ERGIC2: variants seen among roughly 807,000 people sequenced by gnomAD.
ERGIC2 encodes ERGIC and golgi 2, also known as endoplasmic reticulum-Golgi intermediate compartment protein 2.
Under a neutral mutation model 52.5 loss-of-function variants are expected in ERGIC2, and 31 were observed. That is an observed-to-expected ratio of 0.59 (90% confidence interval 0.44 to 0.80). The LOEUF (loss-of-function observed/expected upper bound fraction) is 0.80, where lower values mean the gene tolerates loss of function less well. Among genes scored for constraint, ERGIC2 ranks in the 30% least tolerant of loss-of-function variants. The pLI, the probability that ERGIC2 is intolerant of heterozygous loss-of-function variation, is 0.00. For missense variants in ERGIC2, 395 were observed against 455.2 expected (o/e 0.87, Z 1.20); for synonymous variants, 129 against 140.6 (o/e 0.92, Z 0.58).
At chr12:29,376,499 C>G (rs1031662748) in intron 1 of ERGIC2, among the ~76,000 whole-genome samples, 1 of 152,292 alleles carries the variant, frequency 6.6e-6, no homozygotes, top group Non-Finnish European at 1.5e-5. Flanking sequence ...GTAAGCTTAA[C>G]AGCGCTTCTC....
chr12:29,354,502 T>G (rs953442403), intron 8 of ERGIC2, among the ~76,000 whole-genome samples: 1 of 152,214 alleles, frequency 6.6e-6, no homozygotes, highest in Admixed American at 6.5e-5. Flanking sequence ...ACATATTGTG[T>G]TACAAATTAT....
chr12:29,343,989 AC>A (rs1940006622), intron 11 of ERGIC2, among the ~76,000 whole-genome samples: 2 of 152,126 alleles, frequency 1.3e-5, no homozygotes, highest in Non-Finnish European at 1.5e-5. Flanking sequence ...TATTTTAGTC[AC>A]CCTATCAGTA....
chr12:29,356,920 A>G lies in ERGIC2; in HGVS notation c.477-443T>C, dbSNP rs559697195. ...TTCCTAAGCAAATGTAAAATCTTGT[A>G]TATTTTTATTATGTTTATGATTATA... On this transcript the variant is annotated intron_variant, in intron 7 of 13. Transcript: ENST00000360150. Among the ~76,000 whole-genome samples the G allele has an allele frequency of 1.4e-4, 21 of 152,108 alleles. No individual in the cohort carries two copies. The South Asian group carries it at 3.9e-3, about 29-fold the overall frequency.
chr12:29,370,038 T>A, intron 3 of ERGIC2, 76 bp downstream of exon 3: 2 of 1,302,196 alleles, frequency 1.5e-6, no homozygotes, highest in East Asian at 6.1e-5. Context: ...GGTTAGACTT[T>A]TTCTTTTTTA....
At chr12:29,351,634 C>G (rs892922242) in intron 8 of ERGIC2, among the ~76,000 whole-genome samples, 2 of 152,152 alleles carry the variant, frequency 1.3e-5, no homozygotes, top group African/African-American at 2.4e-5. Flanking sequence ...GAACACTCTT[C>G]TTGAAGAAGG....
intron 3 of ERGIC2, 89 bp downstream of exon 3, chr12:29,370,025 G>C: frequency 8.2e-7 from 1 of 1,214,050 alleles, no homozygotes; most frequent in Non-Finnish European, 1.1e-6. Flanking sequence ...ACCAAATCTA[G>C]AAGGTTAGAC....
At chr12:29,360,976 G>C (rs1435795222) in intron 6 of ERGIC2, among the ~76,000 whole-genome samples, 1 of 152,180 alleles carries the variant, frequency 6.6e-6, no homozygotes, top group East Asian at 1.9e-4. Context: ...GCCGGGCACA[G>C]TGGCTCATGC....
chr12:29,356,970 T>TC (rs1441036591), intron 7 of ERGIC2, among the ~76,000 whole-genome samples: 1 of 149,864 alleles, frequency 6.7e-6, no homozygotes, highest in Non-Finnish European at 1.5e-5. Context: ...CCACGAATCT[T>TC]TTTTTTTTTT....
At chr12:29,378,033 T>C (rs529162489) in intron 1 of ERGIC2, among the ~76,000 whole-genome samples, 39 of 152,348 alleles carry the variant, frequency 2.6e-4, no homozygotes, top group Non-Finnish European at 4.4e-4. Flanking sequence ...ACAAGATATG[T>C]TGAAGTCTCA....
intron 7 of ERGIC2, among the ~76,000 whole-genome samples, chr12:29,356,680 T>C (rs1940210615): frequency 6.6e-6 from 1 of 152,202 alleles, no homozygotes; most frequent in Admixed American, 6.5e-5. Context: ...TTAATATCTA[T>C]TACATTTACA....
chr12:29,371,432 T>TA (rs3214493), intron 2 of ERGIC2, 96 bp downstream of exon 2: 1 of 780,232 alleles, frequency 1.3e-6, no homozygotes, highest in Admixed American at 2.8e-5. Flanking sequence ...AATTCATTGA[T>TA]AAATTCTTCC....
chr12:29,349,472 C>T (rs1387109018), intron 9 of ERGIC2, among the ~76,000 whole-genome samples: 1 of 151,862 alleles, frequency 6.6e-6, no homozygotes, highest in Non-Finnish European at 1.5e-5. Flanking sequence ...TACATCTTTC[C>T]TTTTCCAAAT....
At chr12:29,372,805 A>G (rs1262289924) in intron 1 of ERGIC2, 3 of 151,738 alleles carry the variant, frequency 2.0e-5, no homozygotes, top group Non-Finnish European at 4.4e-5. Context: ...ATAGGCATGC[A>G]CCTCCACCCC....
chr12:29,361,915 T>C (rs1025751788), intron 5 of ERGIC2, among the ~76,000 whole-genome samples: 3 of 152,168 alleles, frequency 2.0e-5, no homozygotes, highest in Admixed American at 6.5e-5. Context: ...CTGTTACAGT[T>C]ATCGACATTT....
chr12:29,356,925 TTTA>T (rs1026864224), intron 7 of ERGIC2, among the ~76,000 whole-genome samples: 4 of 152,148 alleles, frequency 2.6e-5, no homozygotes, highest in African/African-American at 9.7e-5. Flanking sequence ...CTTGTATATT[TTTA>T]TTATGTTTAT....
In ERGIC2 at chr12:29,371,531, T is replaced by TA; in HGVS notation, c.102dup (p.Thr35TyrfsTer29). ...TTTAATGTTAACTGATACTCACCTGTACCTCCACTGGCTGAAGTCTCTACA... is the reference window on the plus strand; with the variant it reads ...TTTAATGTTAACTGATACTCACCTGTAACCTCCACTGGCTGAAGTCTCTACA... On this transcript the variant is annotated frameshift_variant, in exon 2 of 14. Transcript: ENST00000360150. LOFTEE classifies it high-confidence loss of function. 6.2e-7 allele frequency: 1 copy of TA among 1,602,058 alleles called. No individual in the cohort carries two copies. The highest frequency in any genetic ancestry group is 8.5e-7 in the Non-Finnish European group (1 of 1,172,680).
chr12:29,341,543 T>C (rs895722525), intron 13 of ERGIC2, among the ~76,000 whole-genome samples, 191 bp downstream of exon 13: 1 of 152,100 alleles, frequency 6.6e-6, no homozygotes, highest in African/African-American at 2.4e-5. Context: ...GCTAATTTTT[T>C]CTATCTTTTG....
At position 29,358,930 on chromosome 12, in the gene ERGIC2, G is replaced by T. The variant is rs12300829; in HGVS notation, c.375-1206C>A. On this transcript the variant is annotated intron_variant, in intron 6 of 13. Transcript: ENST00000360150. ...TGGAATAAAATAAATCTGAAATCTCGACATAAAAAGTAGAAACCAGAAAGG... is the reference window on the plus strand; with the variant it reads ...TGGAATAAAATAAATCTGAAATCTCTACATAAAAAGTAGAAACCAGAAAGG... 5.4e-3 allele frequency among the ~76,000 whole-genome samples: 819 copies of T among 152,004 alleles called. 13 individuals carry two copies. The highest frequency in any genetic ancestry group is 0.019 in the African/African-American group (783 of 41,488).
At position 29,340,870 on chromosome 12, in the gene ERGIC2, C is replaced by A. The variant is rs1447445862; in HGVS notation, c.*286G>T. ...CAAGAAGCAATGTCTGATTTTGATA[C>A]CACCCATTTGCTATGAAAATATAAG... is the stretch of plus-strand genomic sequence containing the variant. On this transcript the variant is annotated 3_prime_UTR_variant, in exon 14 of 14. Transcript: ENST00000360150. 2 of 473,454 alleles carry A rather than the reference C, an allele frequency of 4.2e-6. No individual in the cohort carries two copies. The highest frequency in any genetic ancestry group is 6.6e-5 in the Admixed American group (2 of 30,532). The allele number at this position is 473,454 out of a possible 1,614,324, so 29.3% of individuals were successfully genotyped here.
Sources: allele counts gnomAD v4.1 joint callset (sites outside exome capture counted in the v4.1 genomes callset), GRCh38; gene constraint gnomAD v4.1.1; transcripts MANE v1.5; gene names NCBI Gene and HGNC (gene_info 2026-07-23, HGNC 2026-07-21).